Variants in CNR2 observed in about 807,000 individuals in gnomAD.
The protein encoded by CNR2 is cannabinoid receptor 2, also known as cannabinoid receptor 2 (macrophage).
For missense variants in CNR2, 379 were observed against 439.9 expected (o/e 0.86, Z 1.24); for synonymous variants, 172 against 182.2 (o/e 0.94, Z 0.45).
At chr1:23,899,330 A>G (rs1005695245) in intron 1 of CNR2, among the ~76,000 whole-genome samples, 5 of 152,182 alleles carry the variant, frequency 3.3e-5, no homozygotes, top group African/African-American at 7.2e-5. Context: ...AGACTGTGAA[A>G]GAGATCTAAC....
At chr1:23,896,881 GT>G (rs5773060) in intron 1 of CNR2, among the ~76,000 whole-genome samples, 1,567 of 141,808 alleles carry the variant, frequency 0.011, 35 homozygotes, top group African/African-American at 0.038. Flanking sequence ...CACCAGGAGT[GT>G]TTTTTTTTTT....
intron 1 of CNR2, among the ~76,000 whole-genome samples, chr1:23,898,327 G>A (rs1219477118): frequency 4.7e-4 from 60 of 127,754 alleles, no homozygotes; most frequent in Admixed American, 3.5e-3. Context: ...GTGAGCCACC[G>A]CGCCCGGCTT....
At chr1:23,882,039 A>G (rs912377332) in intron 1 of CNR2, among the ~76,000 whole-genome samples, 3 of 151,642 alleles carry the variant, frequency 2.0e-5, no homozygotes, top group Non-Finnish European at 4.4e-5. Flanking sequence ...CTCCTGCCTC[A>G]GCCTCCCAAG....
At chr1:23,892,108 C>A (rs554249547) in intron 1 of CNR2, among the ~76,000 whole-genome samples, 1 of 152,258 alleles carries the variant, frequency 6.6e-6, no homozygotes, top group South Asian at 2.1e-4. Flanking sequence ...GCCCGGAGAA[C>A]CAGACTTGCA....
Position 23,870,726 on chromosome 1 carries a change from G to A in CNR2, c.*3809C>T, listed in dbSNP as rs1338258709. 6.6e-6 allele frequency: 1 copy of A among 152,226 alleles called. No homozygotes were observed. The highest frequency in any genetic ancestry group is 1.5e-5 in the Non-Finnish European group (1 of 68,076). The allele number at this position is 152,226 out of a possible 1,614,324, so 9.4% of individuals were successfully genotyped here. A position where few individuals can be genotyped will look rare whatever the true frequency, so the allele number is the denominator to read the frequency against. On this transcript the variant is annotated 3_prime_UTR_variant, in exon 2 of 2. Transcript: ENST00000374472. ...TGTTGCACTGGACACCATCTCGTTT[G>A]TCTCCCTGAGCAAGTCTTGTCCACT...
chr1:23,902,593 T>C (rs1640418898), intron 1 of CNR2: 1 of 1,605,976 alleles, frequency 6.2e-7, no homozygotes, highest in Non-Finnish European at 8.5e-7. Flanking sequence ...CAGTAGAACA[T>C]GGCATAGAAG....
At chr1:23,904,175 A>AT (rs1557534814) in intron 1 of CNR2, among the ~76,000 whole-genome samples, 1 of 140,314 alleles carries the variant, frequency 7.1e-6, no homozygotes, top group Non-Finnish European at 1.5e-5. Context: ...TGTTCGTTTC[A>AT]TTGTTTTTTT....
chr1:23,895,548 C>T (rs1640266480), intron 1 of CNR2, among the ~76,000 whole-genome samples: 1 of 152,062 alleles, frequency 6.6e-6, no homozygotes, highest in Non-Finnish European at 1.5e-5. Flanking sequence ...CGCTCTATCA[C>T]CAGGCTGGAG....
chr1:23,891,891 A>G (rs1045156106), intron 1 of CNR2, among the ~76,000 whole-genome samples: 8 of 151,962 alleles, frequency 5.3e-5, no homozygotes, highest in Admixed American at 1.3e-4. Context: ...TGGTATCCCC[A>G]CAGTAGACTC....
chr1:23,875,548 C>G lies in CNR2; in HGVS notation c.70G>C (p.Asp24His). Residue 24 changes from aspartate (D) to histidine (H), a missense_variant, in exon 2 of 2, where the codon GAT becomes CAT. Physicochemically the swap from Asp to His is moderately conservative, Grantham distance 81. Coordinates refer to ENST00000374472, the MANE Select transcript of CNR2 (RefSeq NM_001841.3). ...KDGLDSNPMK[D>H]YMILSGPQKT... ...TGGGGACCACTCAGGATCATGTAAT[C>G]CTTCATAGGGTTGGAATCCAAGCCA... 1 of 1,613,944 alleles carries G rather than the reference C, an allele frequency of 6.2e-7. No individual in the cohort carries two copies. The highest frequency in any genetic ancestry group is 8.5e-7 in the Non-Finnish European group (1 of 1,179,918).
chr1:23,912,344 C>T (rs547240623), intron 1 of CNR2, among the ~76,000 whole-genome samples: 1 of 152,300 alleles, frequency 6.6e-6, no homozygotes, highest in East Asian at 1.9e-4. Flanking sequence ...TTGTGGTCTC[C>T]CCATCTATAA....
intron 1 of CNR2, among the ~76,000 whole-genome samples, chr1:23,900,864 G>A (rs561717378): frequency 1.6e-4 from 24 of 152,016 alleles, no homozygotes; most frequent in Admixed American, 1.2e-3. Context: ...CACGTTTCCA[G>A]CTACCAACCA....
In CNR2 at chr1:23,891,944, G is replaced by A. The variant is rs1249512042; in HGVS notation, c.-45-16282C>T. Among the ~76,000 whole-genome samples, 4 of 152,148 alleles carry A rather than the reference G, an allele frequency of 2.6e-5. No homozygotes were observed. In the East Asian group the frequency reaches 7.7e-4, roughly 29 times the overall value. On this transcript the variant is annotated intron_variant, in intron 1 of 1. Coordinates refer to ENST00000374472, the MANE Select transcript of CNR2 (RefSeq NM_001841.3). ...ATAGCAGCCAGAGCTGAGCAAAACA[G>A]TCTTGGGGAGATGGAACTCAGCCCA...
intron 1 of CNR2, among the ~76,000 whole-genome samples, chr1:23,899,022 T>C (rs1433752843): frequency 2.0e-5 from 3 of 152,158 alleles, no homozygotes; most frequent in Non-Finnish European, 4.4e-5. Flanking sequence ...TATATATTTA[T>C]GGAATACAAT....
chr1:23,911,505 G>A (rs1640583997), intron 1 of CNR2, among the ~76,000 whole-genome samples: 1 of 152,136 alleles, frequency 6.6e-6, no homozygotes, highest in Admixed American at 6.6e-5. Flanking sequence ...AATGTGCATG[G>A]GTGGGGATGG....
intron 1 of CNR2, among the ~76,000 whole-genome samples, chr1:23,885,893 TGGC>T (rs143281762): frequency 0.74 from 105,455 of 143,002 alleles, 39,038 homozygotes; most frequent in Middle Eastern, 0.83. Context: ...AGAAAAAGGG[TGGC>T]GGCGGGGGGG....
chr1:23,898,333 GGCTTTTTT>G (rs1640322436), intron 1 of CNR2, among the ~76,000 whole-genome samples: 3 of 5,256 alleles, frequency 5.7e-4, no homozygotes, highest in Non-Finnish European at 2.7e-3. Context: ...CACCGCGCCC[GGCTTTTTT>G]TTTTTTTTTT....
chr1:23,912,383 C>T (rs1275823127), intron 1 of CNR2, among the ~76,000 whole-genome samples: 1 of 152,222 alleles, frequency 6.6e-6, no homozygotes, highest in African/African-American at 2.4e-5. Flanking sequence ...ACCTGGTCAT[C>T]TCAAAGGCCT....
chr1:23,897,411 G>T (rs1422782292), intron 1 of CNR2, among the ~76,000 whole-genome samples: 1 of 151,914 alleles, frequency 6.6e-6, no homozygotes, highest in Non-Finnish European at 1.5e-5. Flanking sequence ...ACACCTATTA[G>T]TACTTGCTGT....
Sources: gnomAD v4.1 joint callset for allele counts (sites outside exome capture counted in the v4.1 genomes callset) on GRCh38, gnomAD v4.1.1 for gene constraint, MANE v1.5 for transcripts, NCBI Gene and HGNC (gene_info 2026-07-23, HGNC 2026-07-21) for gene names.